SNTG2: variants seen among roughly 807,000 people sequenced by gnomAD.
SNTG2 encodes gamma-2-syntrophin.
SNTG2 carries 74 observed loss-of-function variants against 70.9 expected under a neutral mutation model. The ratio of observed to expected loss-of-function variants is 1.04; its 90% CI spans 0.86 to 1.27. The LOEUF is 1.27. Ranked by LOEUF, SNTG2 falls within the 50% of genes most tolerant of loss-of-function variation. SNTG2 has a pLI of 0.00. For missense variants in SNTG2, 717 were observed against 690.7 expected, an observed-to-expected ratio of 1.04 and a Z score of -0.43; for synonymous variants, 278 against 273.8, an observed-to-expected ratio of 1.02 and a Z score of -0.15.
intron 6 of SNTG2, 34 bp from the exon 7 acceptor site, chr2:1,165,514 G>A (rs778592218): frequency 2.6e-6 from 4 of 1,559,338 alleles, no homozygotes; most frequent in South Asian, 1.1e-5. Flanking sequence ...TTCTTTTGTG[G>A]TGGTAAAAGT....
chr2:1,101,135 C>T (rs1665756366), intron 4 of SNTG2, among the ~76,000 whole-genome samples: 1 of 152,200 alleles, frequency 6.6e-6, no homozygotes, highest in Admixed American at 6.5e-5. Flanking sequence ...GGGAGGTCCC[C>T]ACGCTCCTCC....
In SNTG2 at chr2:1,329,818, G is replaced by A. The variant is rs190703793; in HGVS notation, c.1488+13443G>A. 7.7e-4 allele frequency among the ~76,000 whole-genome samples: 118 copies of A among 152,270 alleles called. No homozygotes were observed. The Middle Eastern group carries it at 0.01, about 13-fold the overall frequency. On this transcript the variant is annotated intron_variant, in intron 16 of 16. Coordinates refer to ENST00000308624, the MANE Select transcript of SNTG2 (RefSeq NM_018968.4). The stretch of plus-strand genomic sequence containing the variant: ...TACCCATCGTGTGGGGGAGGCCTCG[G>A]AAGTTTTTCTCTGTCAAGACAGTTG...
At chr2:1,037,138 A>G (rs1661175825) in intron 1 of SNTG2, among the ~76,000 whole-genome samples, 1 of 152,208 alleles carries the variant, frequency 6.6e-6, no homozygotes, top group African/African-American at 2.4e-5. Context: ...AAGTGGGAAC[A>G]TTCTGTCAGC....
intron 8 of SNTG2, among the ~76,000 whole-genome samples, chr2:1,204,234 G>A (rs4461289): frequency 0.32 from 49,116 of 151,914 alleles, 8,485 homozygotes; most frequent in East Asian, 0.66. Context: ...GGCTGCATGG[G>A]CTATATATAT....
chr2:1,262,649 G>C (rs780772086), intron 13 of SNTG2, among the ~76,000 whole-genome samples: 20 of 152,076 alleles, frequency 1.3e-4, no homozygotes, highest in Non-Finnish European at 2.1e-4. Flanking sequence ...CAGTCCAGAC[G>C]TAGTAACCGG....
chr2:1,143,415 T>G (rs1250958070), intron 6 of SNTG2, among the ~76,000 whole-genome samples: 1 of 152,082 alleles, frequency 6.6e-6, no homozygotes, highest in Non-Finnish European at 1.5e-5. Flanking sequence ...TAAGCAGCCC[T>G]CTGCCCTTAT....
intron 1 of SNTG2, among the ~76,000 whole-genome samples, chr2:1,033,425 T>G (rs1660952593): frequency 6.6e-6 from 1 of 152,230 alleles, no homozygotes; most frequent in South Asian, 2.1e-4. Context: ...TGCCTGTCCC[T>G]TCTTCAAGGG....
At chr2:1,093,144 T>G (rs1428247641) in intron 2 of SNTG2, among the ~76,000 whole-genome samples, 1 of 151,950 alleles carries the variant, frequency 6.6e-6, no homozygotes, top group Admixed American at 6.6e-5. Flanking sequence ...AATAGGGGAG[T>G]CAGGCCATAA....
chr2:1,249,389 T>A (rs1440707821), intron 12 of SNTG2, among the ~76,000 whole-genome samples: 5 of 152,240 alleles, frequency 3.3e-5, no homozygotes, highest in African/African-American at 1.2e-4. Flanking sequence ...ACAAATATAC[T>A]TGACCGAGGA....
chr2:1,005,982 G>A (rs1659559606), intron 1 of SNTG2, among the ~76,000 whole-genome samples: 2 of 150,398 alleles, frequency 1.3e-5, no homozygotes, highest in Admixed American at 6.6e-5. Context: ...TAAATAATTA[G>A]CAATATAGTC....
At position 1,209,230 on chromosome 2, in the gene SNTG2, G is replaced by A. The variant is rs201301696; in HGVS notation, c.719G>A (p.Arg240Lys). The A allele has an allele frequency of 1.4e-5, 22 of 1,613,922 alleles. No homozygotes were observed. Among genetic ancestry groups the A allele is most frequent in the Non-Finnish European group, 1.9e-5 (22 of 1,179,872 alleles). ...TACAAAGCCGGAACGGAAAAATTAA[G>A]GTGTGTGACCATTGTCTGAGATGGG... ...SRYKAGTEKLRWNAFEVLALD... is the reference protein window; with the variant it reads ...SRYKAGTEKLKWNAFEVLALD... The change falls in exon 9 of 17, where the codon AGG becomes AAG. Residue 240 changes from arginine to lysine, a missense_variant and splice_region_variant. Transcript: ENST00000308624.
chr2:952,526 T>G (rs554324520), intron 1 of SNTG2, among the ~76,000 whole-genome samples: 1 of 152,352 alleles, frequency 6.6e-6, no homozygotes, highest in African/African-American at 2.4e-5. Context: ...CAGTATTAAT[T>G]AAGGTGCTAA....
At chr2:1,091,878 A>T (rs1488828992) in intron 2 of SNTG2, among the ~76,000 whole-genome samples, 8 of 152,246 alleles carry the variant, frequency 5.3e-5, no homozygotes, top group African/African-American at 1.9e-4. Flanking sequence ...TTGCATCCAG[A>T]CACTGAGAAA....
Position 1,098,359 on chromosome 2 carries a change from T to C in SNTG2, c.274T>C (p.Ser92Pro). The C allele has an allele frequency of 6.2e-7, 1 of 1,614,026 alleles. No homozygotes were observed. Among genetic ancestry groups the C allele is most frequent in the Non-Finnish European group, 8.5e-7 (1 of 1,179,914 alleles). The part of the protein sequence containing the change: ...GGLGLSIKGG[S>P]EHNVPVVISK... ...TGATGGCTTTGTCTTTCAGGGAGGT[T>C]CTGAGCACAACGTCCCTGTCGTCAT... is the stretch of plus-strand genomic sequence containing the variant. Residue 92 changes from serine to proline, a missense_variant, in exon 4 of 17, where the codon TCT becomes CCT. Coordinates refer to ENST00000308624, the MANE Select transcript of SNTG2 (RefSeq NM_018968.4).
At chr2:1,164,538 G>C (rs1441779437) in intron 6 of SNTG2, among the ~76,000 whole-genome samples, 1 of 133,746 alleles carries the variant, frequency 7.5e-6, no homozygotes, top group Non-Finnish European at 1.6e-5. Flanking sequence ...ACTGTGGGCA[G>C]TCTCTGTGTA....
chr2:1,242,488 A>AT (rs1677115721), intron 11 of SNTG2, among the ~76,000 whole-genome samples: 1 of 152,222 alleles, frequency 6.6e-6, no homozygotes, highest in Non-Finnish European at 1.5e-5. Flanking sequence ...TAACCAAATA[A>AT]TTTATCATAC....
intron 9 of SNTG2, among the ~76,000 whole-genome samples, chr2:1,224,221 AGCCACGTTC>A (rs1675601293): frequency 6.6e-6 from 1 of 152,128 alleles, no homozygotes; most frequent in Non-Finnish European, 1.5e-5. Flanking sequence ...ACGTTTGGGG[AGCCACGTTC>A]AATCCACTGG....
intron 1 of SNTG2, among the ~76,000 whole-genome samples, chr2:996,737 GAA>G (rs1346396605): frequency 2.7e-5 from 3 of 111,770 alleles, no homozygotes; most frequent in African/African-American, 3.4e-5. Context: ...AGCAACACAA[GAA>G]AGACATTTTG....
chr2:1,068,185 A>G (rs1265554898), intron 1 of SNTG2: 4 of 152,218 alleles, frequency 2.6e-5, no homozygotes, highest in African/African-American at 9.6e-5. Flanking sequence ...GTGTCACCCA[A>G]TAATCCAAGG....
Sources: gnomAD v4.1 joint callset for allele counts (sites outside exome capture counted in the v4.1 genomes callset) on GRCh38, gnomAD v4.1.1 for gene constraint, MANE v1.5 for transcripts, NCBI Gene and HGNC (gene_info 2026-07-23, HGNC 2026-07-21) for gene names.